The following CBFA2T3 variants were observed in gnomAD, a reference collection of about 807,000 sequenced individuals.
CBFA2T3 encodes the protein CBFA2/RUNX1 partner transcriptional co-repressor 3, also known as transcriptional corepressor CBFA2T3.
Under a neutral mutation model 58.6 loss-of-function variants are expected in CBFA2T3, and 31 were observed. That is an observed-to-expected ratio of 0.53 (90% CI 0.40 to 0.71). The LOEUF is 0.71. CBFA2T3 is among the 30% of genes least tolerant of loss of function. The pLI is 0.00. For synonymous variants in CBFA2T3, 531 were observed against 421.9 expected, an observed-to-expected ratio of 1.26 and a Z score of -3.17; for missense variants, 1,076 against 963.1, an observed-to-expected ratio of 1.12 and a Z score of -1.55.
chr16:88,915,009 G>A (rs1266861324), intron 1 of CBFA2T3, among the ~76,000 whole-genome samples: 12 of 149,940 alleles, frequency 8.0e-5, no homozygotes, highest in African/African-American at 2.9e-4. Context: ...CCAGCCGGGG[G>A]CAGGGGTGGA....
intron 1 of CBFA2T3, among the ~76,000 whole-genome samples, chr16:88,975,413 T>C (rs1972830933): frequency 6.6e-6 from 1 of 152,116 alleles, no homozygotes. Flanking sequence ...AGAGCCCGTC[T>C]CTCTCCGCGC....
At chr16:88,895,528 C>T (rs990726618) in intron 3 of CBFA2T3, among the ~76,000 whole-genome samples, 4 of 152,180 alleles carry the variant, frequency 2.6e-5, no homozygotes, top group Non-Finnish European at 4.4e-5. Context: ...CTCCCGTCCC[C>T]GGCAGGCCCC....
chr16:88,962,625 C>A (rs556455976), intron 1 of CBFA2T3, among the ~76,000 whole-genome samples: 12 of 152,340 alleles, frequency 7.9e-5, no homozygotes, highest in African/African-American at 2.9e-4. Context: ...AACACAGATG[C>A]CGAGTCCCCT....
intron 1 of CBFA2T3, among the ~76,000 whole-genome samples, chr16:88,943,222 T>C (rs1971802580): frequency 6.6e-6 from 1 of 152,152 alleles, no homozygotes; most frequent in African/African-American, 2.4e-5. Context: ...AGCTAAACAA[T>C]GCCTGCGGCA....
At chr16:88,927,663 C>T (rs538771956) in intron 1 of CBFA2T3, among the ~76,000 whole-genome samples, 1 of 152,296 alleles carries the variant, frequency 6.6e-6, no homozygotes, top group Non-Finnish European at 1.5e-5. Context: ...TCAGCTGTCA[C>T]AGAGGGAGCC....
In CBFA2T3 at chr16:88,893,570, C is replaced by T. The variant is rs189658378; in HGVS notation, c.380-1085G>A. Among the ~76,000 whole-genome samples, 208 of 152,306 alleles carry T rather than the reference C, an allele frequency of 1.4e-3. 1 individual carries two copies. The highest frequency in any genetic ancestry group is 3.4e-3 in the Middle Eastern group (1 of 294). ...ACACTGGGTGGGTTCCTGCCCCTGG[C>T]GGCTGGACACGCAGATGCCCGTGCA... is the stretch of plus-strand genomic sequence containing the variant. On this transcript the variant is annotated intron_variant, in intron 3 of 11. Coordinates refer to ENST00000268679, the MANE Select transcript of CBFA2T3 (RefSeq NM_005187.6).
At chr16:88,961,533 C>A (rs140539251) in intron 1 of CBFA2T3, among the ~76,000 whole-genome samples, 1 of 142,322 alleles carries the variant, frequency 7.0e-6, no homozygotes, top group African/African-American at 2.7e-5. Flanking sequence ...CCATAGTAAC[C>A]GACCCTCAGC....
intron 1 of CBFA2T3, among the ~76,000 whole-genome samples, chr16:88,923,713 A>G (rs987427217): frequency 6.6e-6 from 1 of 152,166 alleles, no homozygotes; most frequent in Admixed American, 6.5e-5. Flanking sequence ...TCCTGCTGTC[A>G]GGGTGGGAAG....
intron 5 of CBFA2T3, among the ~76,000 whole-genome samples, chr16:88,887,384 T>C (rs917762769): frequency 6.6e-6 from 1 of 152,078 alleles, no homozygotes; most frequent in African/African-American, 2.4e-5. Context: ...GGCCTCCTCT[T>C]GGTCAGTTCG....
intron 5 of CBFA2T3, among the ~76,000 whole-genome samples, chr16:88,888,704 G>T (rs1447248686): frequency 6.6e-6 from 1 of 150,382 alleles, no homozygotes; most frequent in African/African-American, 2.5e-5. Context: ...AGGACTGGCC[G>T]CAAGATCTTT....
intron 1 of CBFA2T3, among the ~76,000 whole-genome samples, chr16:88,974,529 T>C (rs996772007): frequency 6.6e-6 from 1 of 152,152 alleles, no homozygotes; most frequent in African/African-American, 2.4e-5. Context: ...ACGTCTCTCC[T>C]GCCCGCCACC....
At chr16:88,933,058 G>A (rs539844530) in intron 1 of CBFA2T3, among the ~76,000 whole-genome samples, 33 of 152,326 alleles carry the variant, frequency 2.2e-4, no homozygotes, top group African/African-American at 6.7e-4. Flanking sequence ...GCCAGGACCC[G>A]GAGACGTCAC....
intron 1 of CBFA2T3, among the ~76,000 whole-genome samples, chr16:88,930,615 G>C (rs1443449619): frequency 6.6e-6 from 1 of 150,448 alleles, no homozygotes; most frequent in East Asian, 1.9e-4. Flanking sequence ...ACCTTCATCC[G>C]CGGTGTCCAG....
intron 1 of CBFA2T3, among the ~76,000 whole-genome samples, chr16:88,920,767 G>A (rs976322011): frequency 2.6e-5 from 4 of 152,284 alleles, no homozygotes; most frequent in Admixed American, 6.5e-5. Context: ...AGGAGGACTG[G>A]GTCCCCAGCC....
chr16:88,898,621 C>T (rs1173522858), intron 2 of CBFA2T3, among the ~76,000 whole-genome samples: 2 of 152,244 alleles, frequency 1.3e-5, no homozygotes, highest in South Asian at 4.1e-4. Flanking sequence ...GAGCACCATC[C>T]TCAGGGACCT....
chr16:88,888,547 G>GGGGGA (rs1969483594), intron 5 of CBFA2T3, among the ~76,000 whole-genome samples: 1 of 410 alleles, frequency 2.4e-3, no homozygotes, highest in Non-Finnish European at 5.2e-3. Flanking sequence ...GGGGTGGGGT[G>GGGGGA]GGGGTGGGGT....
At chr16:88,880,943 C>A (rs1043360399) in intron 9 of CBFA2T3, 155 bp from the exon 10 acceptor site, 1 of 730,182 alleles carries the variant, frequency 1.4e-6, no homozygotes, top group Non-Finnish European at 2.3e-6. Flanking sequence ...CTGGCTCAGG[C>A]ACCCAGGGCA....
intron 1 of CBFA2T3, chr16:88,937,805 T>C (rs1329295974): frequency 6.6e-6 from 1 of 152,272 alleles, no homozygotes; most frequent in Admixed American, 6.5e-5. Flanking sequence ...ACAGGCACTT[T>C]TTGTCCTGTA....
chr16:88,971,317 C>G (rs1012228761), intron 1 of CBFA2T3, among the ~76,000 whole-genome samples: 1 of 152,206 alleles, frequency 6.6e-6, no homozygotes, highest in Non-Finnish European at 1.5e-5. Context: ...GCCATGTTGG[C>G]CAGACTGGTC....
Sources: allele counts gnomAD v4.1 joint callset (sites outside exome capture counted in the v4.1 genomes callset), GRCh38; gene constraint gnomAD v4.1.1; transcripts MANE v1.5; gene names NCBI Gene and HGNC (gene_info 2026-07-23, HGNC 2026-07-21).